Variants in PCDHGA3 observed in about 807,000 individuals in gnomAD.
PCDHGA3 encodes protocadherin gamma subfamily A, 3.
PCDHGA3 carries 40 observed loss-of-function variants against 58.5 expected under a neutral mutation model. The ratio of observed to expected loss-of-function variants is 0.68; its 90% CI spans 0.53 to 0.89. PCDHGA3 has a LOEUF of 0.89. Among genes scored for constraint, PCDHGA3 ranks in the 40% least tolerant of loss-of-function variants. PCDHGA3 has a pLI of 0.00. For missense variants in PCDHGA3, 1,223 were observed against 1,195.9 expected (o/e 1.02, Z -0.33); for synonymous variants, 530 against 525.7 (o/e 1.01, Z -0.11).
At position 141,408,540 on chromosome 5, in the gene PCDHGA3, C is replaced by T. The variant is rs201370009; in HGVS notation, c.2424+62083C>T. On this transcript the variant is annotated intron_variant, in intron 1 of 3. Transcript: ENST00000253812. ...CAATTGGAAGCTGTGGTGGAAAATCCTTTAAATATTTTTCATGTCATTGTG... is the reference window on the plus strand; with the variant it reads ...CAATTGGAAGCTGTGGTGGAAAATCTTTTAAATATTTTTCATGTCATTGTG... The T allele has an allele frequency of 1.6e-3, 2,593 of 1,614,046 alleles. 3 individuals are homozygous for T. Among genetic ancestry groups the T allele is most frequent in the Middle Eastern group, 4.5e-3 (27 of 6,062 alleles).
intron 1 of PCDHGA3, chr5:141,382,816 TA>T: frequency 1.6e-6 from 2 of 1,275,446 alleles, no homozygotes; most frequent in Non-Finnish European, 2.2e-6. Flanking sequence ...CTCCCCTTCC[TA>T]AGACAGAGGG....
At chr5:141,415,490 T>C in intron 1 of PCDHGA3, 2 of 1,614,228 alleles carry the variant, frequency 1.2e-6, no homozygotes, top group Admixed American at 3.3e-5. Flanking sequence ...AAGAGTCACC[T>C]GATCTTCCCC....
Position 141,485,684 on chromosome 5 carries a change from A to T in PCDHGA3, c.2425-9123A>T, listed in dbSNP as rs746176226. On this transcript the variant is annotated intron_variant, in intron 1 of 3. Transcript: ENST00000253812. The surrounding 1 kb of genome is among the most constrained non-coding windows in gnomAD (Gnocchi z 5.7). ...GGGGAGCAATTCGATTAGCAGCTAT[A>T]GGCTGAGCTCCAATGAACACTTTGC... 1 of 1,614,056 alleles carries T rather than the reference A, an allele frequency of 6.2e-7. No homozygotes were observed. The highest frequency in any genetic ancestry group is 1.1e-5 in the South Asian group (1 of 91,082).
chr5:141,374,400 T>A (rs1389485133), intron 1 of PCDHGA3: 2 of 1,613,908 alleles, frequency 1.2e-6, no homozygotes, highest in Non-Finnish European at 1.7e-6. Flanking sequence ...CTGGTGAGTT[T>A]TAACATCCTT....
chr5:141,368,008 G>A (rs1189583179), intron 1 of PCDHGA3, among the ~76,000 whole-genome samples: 1 of 152,086 alleles, frequency 6.6e-6, no homozygotes, highest in African/African-American at 2.4e-5. Context: ...ATGAAATACT[G>A]GCCTATGTGC....
At chr5:141,399,019 A>AC in intron 1 of PCDHGA3, 1 of 1,613,932 alleles carries the variant, frequency 6.2e-7, no homozygotes, top group Non-Finnish European at 8.5e-7. Context: ...CGGAGAAATT[A>AC]CCACTCAAAA....
intron 1 of PCDHGA3, chr5:141,377,801 T>C (rs1439596981): frequency 1.3e-5 from 2 of 152,176 alleles, no homozygotes; most frequent in African/African-American, 2.4e-5. Context: ...CCTGTAACTA[T>C]CTGTTATTTA....
In PCDHGA3 at chr5:141,403,718, C is replaced by T. The variant is rs77227638; in HGVS notation, c.2424+57261C>T. 9.8e-3 allele frequency: 15,884 copies of T among 1,613,838 alleles called. 137 individuals carry two copies. The highest frequency in any genetic ancestry group is 0.011 in the Non-Finnish European group (12,686 of 1,179,868). ...CCGAGTTAAAGTCCTTGAGAACGTG[C>T]CCCCAGGCACCTGGCTGCTTACTGC... On this transcript the variant is annotated intron_variant, in intron 1 of 3. Coordinates refer to ENST00000253812, the MANE Select transcript of PCDHGA3 (RefSeq NM_018916.4).
At chr5:141,386,476 G>A (rs2090588767) in intron 1 of PCDHGA3, among the ~76,000 whole-genome samples, 1 of 151,552 alleles carries the variant, frequency 6.6e-6, no homozygotes, top group African/African-American at 2.4e-5. Flanking sequence ...AAGAATTGGA[G>A]GCCCACCTAG....
In PCDHGA3 at chr5:141,485,956, C is replaced by T. The variant is rs1430530851; in HGVS notation, c.2425-8851C>T. 1 of 1,614,150 alleles carries T rather than the reference C, an allele frequency of 6.2e-7. No individual in the cohort carries two copies. Among genetic ancestry groups the T allele is most frequent in the South Asian group, 1.1e-5 (1 of 91,074 alleles). ...AGAGCGCACCAGCGGGCATGGTGCT[C>T]ATCCAGCTCAATGCCTCAGACCCGG... On this transcript the variant is annotated intron_variant, in intron 1 of 3. Coordinates refer to ENST00000253812, the MANE Select transcript of PCDHGA3 (RefSeq NM_018916.4). This position sits in a 1 kb window ranked among gnomAD's most constrained non-coding sequence, Gnocchi z 5.7.
intron 1 of PCDHGA3, among the ~76,000 whole-genome samples, chr5:141,437,452 G>GACTAT (rs1319101256): frequency 6.6e-6 from 1 of 152,144 alleles, no homozygotes; most frequent in Non-Finnish European, 1.5e-5. Context: ...ATGTTGAGGA[G>GACTAT]ACTATACTAT....
chr5:141,383,977 A>G (rs1187887484), intron 1 of PCDHGA3: 1 of 1,613,786 alleles, frequency 6.2e-7, no homozygotes, highest in Non-Finnish European at 8.5e-7. Flanking sequence ...CCCTGAAGAC[A>G]CACCTCTTGG....
chr5:141,474,819 G>A (rs1180279468), intron 1 of PCDHGA3, among the ~76,000 whole-genome samples: 1 of 152,190 alleles, frequency 6.6e-6, no homozygotes, highest in Non-Finnish European at 1.5e-5. Flanking sequence ...CATTAATTGA[G>A]GCTTACTCTG....
chr5:141,355,298 A>G (rs374574090), intron 1 of PCDHGA3: 3 of 1,613,812 alleles, frequency 1.9e-6, no homozygotes, highest in Non-Finnish European at 2.5e-6. Context: ...CAGATTCTCT[A>G]CTCGGTGTTT....
chr5:141,486,287 A>G lies in PCDHGA3; in HGVS notation c.2425-8520A>G, dbSNP rs1484787777. Reference sequence around the variant, plus strand: ...AGAACCTGGCACTGTGGTGGCACTTATCAGTGTGCAGGATCCAGACTCAGG... The same window carrying G: ...AGAACCTGGCACTGTGGTGGCACTTGTCAGTGTGCAGGATCCAGACTCAGG... On this transcript the variant is annotated intron_variant, in intron 1 of 3. Transcript: ENST00000253812. The surrounding 1 kb of genome is among the most constrained non-coding windows in gnomAD (Gnocchi z 5.0). 1 of 1,613,912 alleles carries G rather than the reference A, an allele frequency of 6.2e-7. No homozygotes were observed. The highest frequency in any genetic ancestry group is 8.5e-7 in the Non-Finnish European group (1 of 1,179,970).
At chr5:141,501,718 A>G (rs914077060) in intron 2 of PCDHGA3, among the ~76,000 whole-genome samples, 1 of 152,152 alleles carries the variant, frequency 6.6e-6, no homozygotes, top group Non-Finnish European at 1.5e-5. Flanking sequence ...AAAAAGACAA[A>G]TATATTACCC....
chr5:141,360,843 C>A, intron 1 of PCDHGA3: 1 of 1,613,956 alleles, frequency 6.2e-7, no homozygotes, highest in Non-Finnish European at 8.5e-7. Context: ...CGGATGCCAA[C>A]GATAACCCTC....
intron 1 of PCDHGA3, chr5:141,384,799 G>A: frequency 1.2e-6 from 2 of 1,613,476 alleles, no homozygotes; most frequent in South Asian, 1.1e-5. Context: ...GGCCCTGCTG[G>A]ACAGAGATGC....
At chr5:141,366,340 C>T in intron 1 of PCDHGA3, 1 of 1,613,934 alleles carries the variant, frequency 6.2e-7, no homozygotes, top group Non-Finnish European at 8.5e-7. Context: ...GGATCCCTGA[C>T]ATCCTGGCTG....
Sources: allele counts gnomAD v4.1 joint callset (sites outside exome capture counted in the v4.1 genomes callset), GRCh38; gene constraint gnomAD v4.1.1; non-coding constraint Gnocchi (gnomAD v3.1); transcripts MANE v1.5; gene names NCBI Gene and HGNC (gene_info 2026-07-23, HGNC 2026-07-21).